VWC2L: variants seen among roughly 807,000 people sequenced by gnomAD.
VWC2L encodes von Willebrand factor C domain containing 2 like.
Under a neutral mutation model 21.6 loss-of-function variants are expected in VWC2L, and 10 were observed. The ratio of observed to expected loss-of-function variants is 0.46; its 90% CI spans 0.29 to 0.78. The LOEUF is 0.78. Ranked by LOEUF, VWC2L falls within the 30% of genes least tolerant of loss-of-function variation. The probability of loss-of-function intolerance (pLI) is 0.10; values close to 1 mark genes in which losing one functional copy is unlikely to be tolerated. For synonymous variants in VWC2L, 96 were observed against 94.3 expected (o/e 1.02, Z -0.10); for missense variants, 209 against 277.1 (o/e 0.75, Z 1.74).
chr2:214,456,932 G>T (rs1703067412), intron 3 of VWC2L, among the ~76,000 whole-genome samples: 1 of 152,018 alleles, frequency 6.6e-6, no homozygotes, highest in African/African-American at 2.4e-5. Context: ...GTTGGTCTGT[G>T]TGTTTGTTTT....
At chr2:214,516,451 C>T (rs907402467) in intron 3 of VWC2L, among the ~76,000 whole-genome samples, 16 of 152,014 alleles carry the variant, frequency 1.1e-4, no homozygotes, top group African/African-American at 3.9e-4. Flanking sequence ...TACACCAGCA[C>T]GCCCAAAACC....
chr2:214,513,868 G>A (rs1255298604), intron 3 of VWC2L, among the ~76,000 whole-genome samples: 3 of 152,114 alleles, frequency 2.0e-5, no homozygotes, highest in Admixed American at 2.0e-4. Flanking sequence ...GGTGTATGAA[G>A]TCTTCCCTTC....
intron 3 of VWC2L, among the ~76,000 whole-genome samples, chr2:214,561,146 C>A (rs1038284988): frequency 1.3e-5 from 2 of 152,208 alleles, no homozygotes; most frequent in African/African-American, 4.8e-5. Flanking sequence ...GATTGCTGGG[C>A]CCCATACCCA....
At chr2:214,497,336 G>A (rs1688826603) in intron 3 of VWC2L, among the ~76,000 whole-genome samples, 2 of 152,108 alleles carry the variant, frequency 1.3e-5, no homozygotes, top group Non-Finnish European at 2.9e-5. Flanking sequence ...TTTCAATTTT[G>A]TTATGCCAGT....
At chr2:214,485,674 T>A (rs1688664078) in intron 3 of VWC2L, among the ~76,000 whole-genome samples, 1 of 152,166 alleles carries the variant, frequency 6.6e-6, no homozygotes, top group Non-Finnish European at 1.5e-5. Flanking sequence ...TGCTTTCTTC[T>A]TCCTCTGTGC....
chr2:214,529,943 A>C (rs1359492679), intron 3 of VWC2L, among the ~76,000 whole-genome samples: 2 of 152,214 alleles, frequency 1.3e-5, no homozygotes, highest in Middle Eastern at 3.2e-3. Context: ...TAAGTCCTGC[A>C]ATTCAGTGGA....
intron 3 of VWC2L, among the ~76,000 whole-genome samples, chr2:214,523,272 G>GT (rs1689272561): frequency 6.6e-6 from 1 of 152,158 alleles, no homozygotes; most frequent in South Asian, 2.1e-4. Flanking sequence ...GTGTTACTGA[G>GT]TTACCTATGT....
At chr2:214,440,846 G>C (rs994390154) in intron 3 of VWC2L, among the ~76,000 whole-genome samples, 3 of 152,016 alleles carry the variant, frequency 2.0e-5, no homozygotes, top group Non-Finnish European at 4.4e-5. Flanking sequence ...TTGATCATTG[G>C]AGCATCCAAA....
At chr2:214,485,778 C>A (rs1688664937) in intron 3 of VWC2L, among the ~76,000 whole-genome samples, 1 of 152,182 alleles carries the variant, frequency 6.6e-6, no homozygotes, top group Admixed American at 6.5e-5. Flanking sequence ...TCCTTGAAGA[C>A]AATAACCACA....
intron 3 of VWC2L, among the ~76,000 whole-genome samples, chr2:214,540,265 T>C (rs750577670): frequency 6.6e-6 from 1 of 152,200 alleles, no homozygotes; most frequent in Non-Finnish European, 1.5e-5. Context: ...TTTTATGGAA[T>C]CTTCATGTGC....
At chr2:214,477,761 A>C (rs531068926) in intron 3 of VWC2L, among the ~76,000 whole-genome samples, 1 of 152,228 alleles carries the variant, frequency 6.6e-6, no homozygotes, top group Non-Finnish European at 1.5e-5. Flanking sequence ...ATATTATACA[A>C]TTGAAGTCTT....
At chr2:214,440,047 A>C (rs1175468533) in intron 3 of VWC2L, among the ~76,000 whole-genome samples, 1 of 151,946 alleles carries the variant, frequency 6.6e-6, no homozygotes. Context: ...GAGAGTTTTA[A>C]ATTTTCTTGT....
intron 3 of VWC2L, among the ~76,000 whole-genome samples, chr2:214,450,839 G>T (rs759971431): frequency 2.4e-4 from 37 of 152,266 alleles, no homozygotes; most frequent in African/African-American, 8.9e-4. Context: ...ACTACTAAGA[G>T]TAACACTGGC....
chr2:214,481,643 C>A (rs1312647660), intron 3 of VWC2L, among the ~76,000 whole-genome samples: 1 of 152,130 alleles, frequency 6.6e-6, no homozygotes, highest in East Asian at 1.9e-4. Context: ...TTTTAAGTAA[C>A]CACAAATAAT....
intron 3 of VWC2L, among the ~76,000 whole-genome samples, chr2:214,559,183 G>A (rs988326666): frequency 5.7e-4 from 87 of 152,112 alleles, no homozygotes; most frequent in African/African-American, 2.1e-3. Flanking sequence ...CGAAGGACAT[G>A]AACAGACACT....
At chr2:214,506,756 C>T (rs1311930092) in intron 3 of VWC2L, among the ~76,000 whole-genome samples, 1 of 151,952 alleles carries the variant, frequency 6.6e-6, no homozygotes, top group Non-Finnish European at 1.5e-5. Context: ...ATGTATTGAT[C>T]ACTCATTTAG....
intron 3 of VWC2L, chr2:214,533,962 C>T (rs1023011569): frequency 2.0e-5 from 3 of 152,550 alleles, no homozygotes; most frequent in Admixed American, 6.6e-5. Context: ...GATGGAAACG[C>T]TTTCAATTCT....
chr2:214,511,812 A>G (rs1689057868), intron 3 of VWC2L, among the ~76,000 whole-genome samples: 2 of 149,928 alleles, frequency 1.3e-5, no homozygotes, highest in Non-Finnish European at 3.0e-5. Flanking sequence ...ATGAAATAAT[A>G]GTTACACAAC....
intron 3 of VWC2L, among the ~76,000 whole-genome samples, chr2:214,548,422 G>A (rs945680714): frequency 1.3e-5 from 2 of 152,180 alleles, no homozygotes; most frequent in Non-Finnish European, 2.9e-5. Context: ...GTGCAAGCCA[G>A]GACTTACAAT....
Sources: gnomAD v4.1 joint callset for allele counts (sites outside exome capture counted in the v4.1 genomes callset) on GRCh38, gnomAD v4.1.1 for gene constraint, MANE v1.5 for transcripts, NCBI Gene and HGNC (gene_info 2026-07-23, HGNC 2026-07-21) for gene names.